The following DPY19L3 variants were observed in gnomAD, a reference collection of about 807,000 sequenced individuals.
The protein encoded by DPY19L3 is protein C-mannosyl-transferase DPY19L3.
Under a neutral mutation model 92.3 loss-of-function variants are expected in DPY19L3, and 51 were observed. The observed-to-expected ratio is 0.55, with a 90% CI of 0.44 to 0.70. DPY19L3 has a LOEUF of 0.70. DPY19L3 is among the 30% of genes least tolerant of loss of function. The pLI, the probability that DPY19L3 is intolerant of heterozygous loss-of-function variation, is 0.00. For synonymous variants in DPY19L3, 309 were observed against 315.2 expected, an observed-to-expected ratio of 0.98 and a Z score of 0.21; for missense variants, 706 against 855.9, an observed-to-expected ratio of 0.82 and a Z score of 2.18.
intron 6 of DPY19L3, 132 bp downstream of exon 6, chr19:32,437,471 G>C: frequency 9.6e-7 from 1 of 1,043,932 alleles, no homozygotes; most frequent in Non-Finnish European, 1.4e-6. Flanking sequence ...GGTTTGCCTG[G>C]TGGTTTACTC....
Position 32,468,444 on chromosome 19 carries a change from A to G in DPY19L3, c.1615-287A>G, listed in dbSNP as rs891631215. 2.8e-6 allele frequency: 3 copies of G among 1,085,188 alleles called. No homozygotes were observed. The Admixed American group carries it at 1.5e-4, about 53-fold the overall frequency. The allele number at this position is 1,085,188 out of a possible 1,614,324, so 67.2% of individuals were successfully genotyped here. ...ATGTTTTGCCAGGTATTATCATCAC[A>G]TACAATAGCATTTCTATTGGAGCAA... On this transcript the variant is annotated intron_variant, in intron 15 of 18. Coordinates refer to ENST00000392250, the MANE Select transcript of DPY19L3 (RefSeq NM_001172774.2).
chr19:32,466,212 T>C (rs1272192353), intron 15 of DPY19L3, among the ~76,000 whole-genome samples: 2 of 152,220 alleles, frequency 1.3e-5, no homozygotes, highest in Non-Finnish European at 2.9e-5. Context: ...AGAAGTAAAC[T>C]GTCCTAGGGA....
chr19:32,463,252 AT>A, intron 12 of DPY19L3, 113 bp from the exon 13 acceptor site: 1 of 1,169,714 alleles, frequency 8.5e-7, no homozygotes, highest in Non-Finnish European at 1.2e-6. Context: ...TCTTATGGAA[AT>A]AATCAATTTC....
intron 4 of DPY19L3, among the ~76,000 whole-genome samples, chr19:32,433,635 C>G (rs949687010): frequency 1.1e-4 from 16 of 152,220 alleles, no homozygotes; most frequent in African/African-American, 3.6e-4. Context: ...GTTGCCCAGG[C>G]TGGTCTCAAA....
intron 8 of DPY19L3, among the ~76,000 whole-genome samples, chr19:32,444,275 G>A (rs905905617): frequency 2.0e-5 from 3 of 152,086 alleles, no homozygotes; most frequent in Admixed American, 2.0e-4. Context: ...GAAGCAAGTG[G>A]AAATTTTAGA....
chr19:32,436,896 G>A (rs1969159286), intron 5 of DPY19L3, among the ~76,000 whole-genome samples: 1 of 152,004 alleles, frequency 6.6e-6, no homozygotes, highest in Non-Finnish European at 1.5e-5. Flanking sequence ...TGTAAAGTCA[G>A]CAAATCACAA....
intron 3 of DPY19L3, chr19:32,427,893 A>T (rs561486587): frequency 1.3e-5 from 2 of 151,942 alleles, no homozygotes; most frequent in Non-Finnish European, 2.9e-5. Flanking sequence ...GATTACATTT[A>T]TAAAGTTAAT....
At chr19:32,474,969 A>G (rs894421273) in intron 16 of DPY19L3, among the ~76,000 whole-genome samples, 5 of 152,204 alleles carry the variant, frequency 3.3e-5, no homozygotes, top group Non-Finnish European at 7.3e-5. Flanking sequence ...TATTTTTTGA[A>G]TAAAGAACGT....
intron 16 of DPY19L3, among the ~76,000 whole-genome samples, chr19:32,470,781 CTTTTTTTTTT>C (rs71336911): frequency 2.2e-5 from 2 of 91,210 alleles, no homozygotes; most frequent in Non-Finnish European, 4.0e-5. Flanking sequence ...ATTCCTTTGG[CTTTTTTTTTT>C]TTTTTTTTTT....
At chr19:32,472,518 A>C (rs1970387998) in intron 16 of DPY19L3, among the ~76,000 whole-genome samples, 1 of 133,282 alleles carries the variant, frequency 7.5e-6, no homozygotes, top group Non-Finnish European at 1.5e-5. Context: ...GGATACAAAG[A>C]TTAAAAACTT....
At chr19:32,427,329 G>A (rs546681438) in intron 3 of DPY19L3, among the ~76,000 whole-genome samples, 2 of 152,006 alleles carry the variant, frequency 1.3e-5, no homozygotes, top group Non-Finnish European at 2.9e-5. Flanking sequence ...AACATCTTTC[G>A]GTCAAATACT....
At chr19:32,438,968 G>T (rs1464612813) in intron 6 of DPY19L3, 144 bp from the exon 7 acceptor site, 3 of 752,558 alleles carry the variant, frequency 4.0e-6, no homozygotes, top group East Asian at 2.6e-5. Flanking sequence ...TGATGATGAT[G>T]ATGATAAGGA....
Position 32,468,741 on chromosome 19 carries a change from G to A in DPY19L3, c.1625G>A (p.Gly542Glu). 1 of 1,613,840 alleles carries A rather than the reference G, an allele frequency of 6.2e-7. No individual in the cohort carries two copies. The highest frequency in any genetic ancestry group is 8.5e-7 in the Non-Finnish European group (1 of 1,179,886). Residue 542 changes from glycine to glutamate, a missense_variant, in exon 16 of 19, where the codon GGA (glycine) becomes GAA (glutamate). Coordinates refer to ENST00000392250, the MANE Select transcript of DPY19L3 (RefSeq NM_001172774.2). ...LLYLCYKFWP[G>E]MMDELSELRE... The stretch of plus-strand genomic sequence containing the variant: ...TGTTTTTAATTTCAGTTCTGGCCAG[G>A]AATGATGGATGAACTCTCCGAGTTG...
chr19:32,462,039 T>C (rs1299365309), intron 12 of DPY19L3, among the ~76,000 whole-genome samples: 2 of 152,224 alleles, frequency 1.3e-5, no homozygotes, highest in Non-Finnish European at 2.9e-5. Context: ...TATATCCCTG[T>C]GATAAAGTTT....
chr19:32,446,784 ATC>A (rs1969513210), intron 8 of DPY19L3, among the ~76,000 whole-genome samples: 1 of 152,228 alleles, frequency 6.6e-6, no homozygotes, highest in African/African-American at 2.4e-5. Flanking sequence ...ACTTCAGCAC[ATC>A]TCTCTGGACA....
chr19:32,470,558 A>G (rs9749081), intron 16 of DPY19L3, among the ~76,000 whole-genome samples: 59,540 of 152,046 alleles, frequency 0.39, 13,938 homozygotes, highest in Non-Finnish European at 0.54. Flanking sequence ...CTCAGACTAG[A>G]TATATTTATT....
chr19:32,474,030 T>G (rs1050923779), intron 16 of DPY19L3, among the ~76,000 whole-genome samples: 6 of 152,174 alleles, frequency 3.9e-5, no homozygotes, highest in African/African-American at 1.4e-4. Flanking sequence ...CTCGAACTCC[T>G]GACCTCAAGC....
intron 2 of DPY19L3, 50 bp from the exon 3 acceptor site, chr19:32,411,189 T>G (rs753757806): frequency 2.8e-5 from 43 of 1,562,374 alleles, no homozygotes; most frequent in Middle Eastern, 2.4e-4. Flanking sequence ...ACTATTACAT[T>G]CTGATTTTTT....
Position 32,425,475 on chromosome 19 carries a change from C to T in DPY19L3, c.238-7241C>T, listed in dbSNP as rs571447457. On this transcript the variant is annotated intron_variant, in intron 3 of 18. Transcript: ENST00000392250. ...CTGAGACAGAAGGATCACTTGAACC[C>T]GGGAGGCAGAGGTTGCAGTGAGCTG... Among the ~76,000 whole-genome samples the T allele has an allele frequency of 1.9e-3, 286 of 151,866 alleles. 2 individuals are homozygous for T. Among genetic ancestry groups the T allele is most frequent in the Middle Eastern group, 6.8e-3 (2 of 294 alleles).
Sources: allele counts gnomAD v4.1 joint callset (sites outside exome capture counted in the v4.1 genomes callset), GRCh38; gene constraint gnomAD v4.1.1; transcripts MANE v1.5; gene names NCBI Gene and HGNC (gene_info 2026-07-23, HGNC 2026-07-21).